The following PARN variants were observed in gnomAD, a reference collection of about 807,000 sequenced individuals.
PARN encodes poly(A)-specific ribonuclease.
PARN carries 71 observed loss-of-function variants against 102.8 expected under a neutral mutation model. The ratio of observed to expected loss-of-function variants is 0.69; its 90% CI spans 0.57 to 0.84. PARN has a LOEUF of 0.84. Ranked by LOEUF, PARN falls within the 40% of genes least tolerant of loss-of-function variation. PARN has a pLI of 0.00. For synonymous variants in PARN, 261 were observed against 252.9 expected, an observed-to-expected ratio of 1.03 and a Z score of -0.30; for missense variants, 782 against 760.9, an observed-to-expected ratio of 1.03 and a Z score of -0.33.
chr16:14,620,193 T>A (rs926800043), intron 5 of PARN, among the ~76,000 whole-genome samples: 1 of 150,136 alleles, frequency 6.7e-6, no homozygotes, highest in Non-Finnish European at 1.5e-5. Context: ...CTGGCTAACA[T>A]GGTGAAACCC....
intron 21 of PARN, among the ~76,000 whole-genome samples, chr16:14,519,862 G>T (rs1040101315): frequency 6.6e-6 from 1 of 151,950 alleles, no homozygotes; most frequent in Non-Finnish European, 1.5e-5. Flanking sequence ...AAAGAAAAAG[G>T]CATGCTAGAA....
Position 14,584,341 on chromosome 16 carries a change from T to G in PARN, c.1081+6A>C. On this transcript the variant is annotated splice_donor_region_variant and intron_variant, in intron 16 of 23. Transcript: ENST00000437198. Reference sequence around the variant, plus strand: ...GTTTGGAGGGTTTCCGGTTTAATATTCTTACCAACTTTAGGAGGGTTGAAA... The same window carrying G: ...GTTTGGAGGGTTTCCGGTTTAATATGCTTACCAACTTTAGGAGGGTTGAAA... 6.3e-7 allele frequency: 1 copy of G among 1,597,054 alleles called. No individual in the cohort carries two copies. Among genetic ancestry groups the G allele is most frequent in the African/African-American group, 1.3e-5 (1 of 74,748 alleles).
At chr16:14,499,326 G>C (rs190668366) in intron 21 of PARN, among the ~76,000 whole-genome samples, 4 of 152,320 alleles carry the variant, frequency 2.6e-5, no homozygotes, top group African/African-American at 7.2e-5. Context: ...AGTAGGGAGA[G>C]GGAGAGAGCG....
At chr16:14,571,171 G>C (rs1968785851) in intron 18 of PARN, among the ~76,000 whole-genome samples, 1 of 151,992 alleles carries the variant, frequency 6.6e-6, no homozygotes, top group African/African-American at 2.4e-5. Context: ...TTCACTTGAG[G>C]TCAGGAGTTC....
At position 14,617,633 on chromosome 16, in the gene PARN, A is replaced by C; in HGVS notation, c.345T>G (p.Phe115Leu). Residue 115 changes from phenylalanine to leucine, a missense_variant, in exon 6 of 24, where the codon TTT becomes TTG. Phe to Leu is a conservative substitution (Grantham distance 22, BLOSUM62 0). Coordinates refer to ENST00000437198, the MANE Select transcript of PARN (RefSeq NM_002582.4). The stretch of plus-strand genomic sequence containing the variant: ...TAAAATCAAATCCCTGGCTTGCTAG[A>C]AAGTCAATGCTGGAGCTCTGAAACA... Reference protein sequence around the residue: ...KFVCQSSSIDFLASQGFDFNK... With the variant: ...KFVCQSSSIDLLASQGFDFNK... 2 of 1,597,314 alleles carry C rather than the reference A, an allele frequency of 1.3e-6. No individual in the cohort carries two copies.
chr16:14,584,478 A>C, intron 15 of PARN, 56 bp from the exon 16 acceptor site: 1 of 1,414,378 alleles, frequency 7.1e-7, no homozygotes, highest in Non-Finnish European at 9.9e-7. Context: ...ACAATATATT[A>C]AAGAGATTCA....
At chr16:14,439,348 G>T (rs1960845237) in intron 23 of PARN, among the ~76,000 whole-genome samples, 1 of 149,056 alleles carries the variant, frequency 6.7e-6, no homozygotes, top group Non-Finnish European at 1.5e-5. Context: ...TTCCAGCCTG[G>T]GTGGGTGACA....
intron 21 of PARN, among the ~76,000 whole-genome samples, chr16:14,550,501 T>TTAA (rs1157824342): frequency 6.6e-6 from 1 of 152,146 alleles, no homozygotes; most frequent in East Asian, 1.9e-4. Context: ...TTCATCAAGG[T>TTAA]TAAATAAGGC....
chr16:14,514,575 C>T (rs1008787440), intron 21 of PARN, among the ~76,000 whole-genome samples: 3 of 152,150 alleles, frequency 2.0e-5, no homozygotes, highest in African/African-American at 7.2e-5. Context: ...GAGACTGAAT[C>T]ACTAAATATC....
chr16:14,610,189 C>T (rs938816366), intron 7 of PARN, among the ~76,000 whole-genome samples: 2 of 152,138 alleles, frequency 1.3e-5, no homozygotes, highest in African/African-American at 4.8e-5. Flanking sequence ...TTTGAATATG[C>T]CGGCTAGGCA....
intron 5 of PARN, among the ~76,000 whole-genome samples, chr16:14,618,727 G>A (rs1019718637): frequency 2.6e-5 from 4 of 151,538 alleles, no homozygotes; most frequent in Admixed American, 6.6e-5. Flanking sequence ...GCTCCTGATC[G>A]CTTGACTGTT....
chr16:14,617,675 T>G (rs773775876), intron 5 of PARN, 25 bp from the exon 6 acceptor site: 1 of 1,442,866 alleles, frequency 6.9e-7, no homozygotes, highest in Non-Finnish European at 9.8e-7. Flanking sequence ...ACAGAACACA[T>G]GTTTTGGGGA....
intron 18 of PARN, among the ~76,000 whole-genome samples, chr16:14,559,438 C>T (rs1967916037): frequency 1.3e-5 from 2 of 150,418 alleles, no homozygotes; most frequent in Non-Finnish European, 2.9e-5. Context: ...TATGAGTATA[C>T]AGTAGATGTA....
chr16:14,482,181 G>A (rs1963418640), intron 22 of PARN, among the ~76,000 whole-genome samples: 1 of 152,178 alleles, frequency 6.6e-6, no homozygotes, highest in South Asian at 2.1e-4. Context: ...AGCATCACTT[G>A]CATCCAGGAA....
At chr16:14,580,836 TGA>T (rs1236341383) in intron 18 of PARN, 36 bp downstream of exon 18, 7 of 1,240,270 alleles carry the variant, frequency 5.6e-6, no homozygotes, top group Non-Finnish European at 7.1e-6. Context: ...TGTTCCACAG[TGA>T]GAGAACTTGG....
intron 18 of PARN, among the ~76,000 whole-genome samples, chr16:14,575,330 G>C (rs1032772413): frequency 6.6e-6 from 1 of 152,222 alleles, no homozygotes; most frequent in Admixed American, 6.5e-5. Context: ...GCACATGAAA[G>C]GAGCCAGGAG....
At chr16:14,441,005 C>A (rs567335589) in intron 23 of PARN, among the ~76,000 whole-genome samples, 1 of 152,066 alleles carries the variant, frequency 6.6e-6, no homozygotes, top group African/African-American at 2.4e-5. Context: ...TCATTGGGTA[C>A]AATTATATCT....
At chr16:14,550,059 G>T (rs972072508) in intron 21 of PARN, among the ~76,000 whole-genome samples, 1 of 152,166 alleles carries the variant, frequency 6.6e-6, no homozygotes, top group Non-Finnish European at 1.5e-5. Context: ...AGTGTACAGT[G>T]AGCAGAGGAA....
rs879345620 is a variant in PARN at position 14,468,877 on chromosome 16, A to AG, written c.1670+13760_1670+13761insC. On this transcript the variant is annotated intron_variant, in intron 22 of 23. Coordinates refer to ENST00000437198, the MANE Select transcript of PARN (RefSeq NM_002582.4). ...GGCAACACAGCAAGATCCCATTACT[A>AG]AATAGATAGATAGATAGATAGATAG... Among the ~76,000 whole-genome samples, 426 of 140,402 alleles carry AG rather than the reference A, an allele frequency of 3.0e-3. 3 individuals carry two copies. The highest frequency in any genetic ancestry group is 5.6e-3 in the African/African-American group (204 of 36,198). 92.1% of individuals were successfully genotyped at this position (140,402 alleles called of 152,430 possible). A position where few individuals can be genotyped will look rare whatever the true frequency, so the allele number is the denominator to read the frequency against.
Sources: gnomAD v4.1 joint callset for allele counts (sites outside exome capture counted in the v4.1 genomes callset) on GRCh38, gnomAD v4.1.1 for gene constraint, MANE v1.5 for transcripts, NCBI Gene and HGNC (gene_info 2026-07-23, HGNC 2026-07-21) for gene names.